Variants in PRMT3 observed in about 807,000 individuals in gnomAD.
PRMT3 encodes the protein protein arginine N-methyltransferase 3.
A neutral mutation model predicts 71.9 loss-of-function variants in PRMT3; 62 were observed. That is an observed-to-expected ratio of 0.86 (90% CI 0.70 to 1.07). The LOEUF (loss-of-function observed/expected upper bound fraction) is 1.07, where lower values mean the gene tolerates loss of function less well. Ranked by LOEUF, PRMT3 falls within the 50% of genes least tolerant of loss-of-function variation. The pLI is 0.00. For synonymous variants in PRMT3, 213 were observed against 220.4 expected (o/e 0.97, Z 0.30); for missense variants, 663 against 643.0 (o/e 1.03, Z -0.34).
intron 13 of PRMT3, among the ~76,000 whole-genome samples, chr11:20,474,048 G>C (rs1850718065): frequency 6.6e-6 from 1 of 152,148 alleles, no homozygotes; most frequent in Non-Finnish European, 1.5e-5. Context: ...ATGGCAGCCT[G>C]CTCCTTCCTC....
rs774128339 is a variant in PRMT3 at position 20,388,158 on chromosome 11, C to G, written c.164+4C>G. ...CCCCCTGCCTGTTCTGTAACAGGTT[C>G]GTCCGCCTCAGCGCCTGGCCTCTGC... On this transcript the variant is annotated splice_donor_region_variant and intron_variant, in intron 2 of 15. Transcript: ENST00000331079. The G allele has an allele frequency of 2.0e-5, 33 of 1,613,720 alleles. No homozygotes were observed. Among genetic ancestry groups the G allele is most frequent in the Non-Finnish European group, 2.7e-5 (32 of 1,179,992 alleles).
chr11:20,468,838 G>GA (rs1318502235), intron 13 of PRMT3, among the ~76,000 whole-genome samples: 1 of 152,030 alleles, frequency 6.6e-6, no homozygotes, highest in Non-Finnish European at 1.5e-5. Flanking sequence ...AAGATTATTA[G>GA]AACCTTTCAT....
intron 15 of PRMT3, among the ~76,000 whole-genome samples, chr11:20,503,112 A>G (rs1323606871): frequency 6.6e-6 from 1 of 152,132 alleles, no homozygotes; most frequent in Non-Finnish European, 1.5e-5. Flanking sequence ...CACTGCTTTA[A>G]TTTGCTTTTC....
intron 10 of PRMT3, 98 bp from the exon 11 acceptor site, chr11:20,452,031 AT>A (rs367969652): frequency 3.4e-4 from 272 of 811,528 alleles, no homozygotes; most frequent in South Asian, 1.5e-3. Flanking sequence ...AGAAAAAAAA[AT>A]ATTCTGTAAT....
intron 9 of PRMT3, among the ~76,000 whole-genome samples, chr11:20,424,433 T>C (rs1451157915): frequency 2.0e-5 from 3 of 152,202 alleles, no homozygotes; most frequent in Admixed American, 6.5e-5. Context: ...TTCCGTAAGT[T>C]AGTGATAGTT....
intron 4 of PRMT3, 32 bp from the exon 5 acceptor site, chr11:20,392,865 T>G: frequency 7.4e-7 from 1 of 1,358,102 alleles, no homozygotes; most frequent in South Asian, 1.3e-5. Flanking sequence ...TTATATGTAA[T>G]GAAAAAAACA....
At chr11:20,417,797 C>G (rs1565203565) in intron 9 of PRMT3, among the ~76,000 whole-genome samples, 1 of 146,196 alleles carries the variant, frequency 6.8e-6, no homozygotes, top group South Asian at 2.2e-4. Context: ...CACACACACA[C>G]AGGAGGCAGT....
intron 7 of PRMT3, among the ~76,000 whole-genome samples, chr11:20,399,531 T>G (rs1848903324): frequency 1.3e-5 from 2 of 152,194 alleles, no homozygotes; most frequent in Admixed American, 1.3e-4. Context: ...ATTAATTTTT[T>G]TATGTTTAGA....
chr11:20,506,491 T>C (rs1419212193), intron 15 of PRMT3, among the ~76,000 whole-genome samples: 1 of 152,206 alleles, frequency 6.6e-6, no homozygotes, highest in African/African-American at 2.4e-5. Flanking sequence ...AAACTGTGAG[T>C]CTCACCTTTT....
intron 9 of PRMT3, among the ~76,000 whole-genome samples, chr11:20,421,267 G>A (rs977247845): frequency 1.3e-5 from 2 of 152,040 alleles, no homozygotes; most frequent in African/African-American, 4.8e-5. Flanking sequence ...TGAACTCTTG[G>A]GCTCAAGCAA....
At chr11:20,483,735 G>A (rs763399953) in intron 13 of PRMT3, among the ~76,000 whole-genome samples, 5 of 152,148 alleles carry the variant, frequency 3.3e-5, no homozygotes, top group Non-Finnish European at 5.9e-5. Flanking sequence ...GTAATGTAGT[G>A]CTCTATAATA....
In PRMT3 at chr11:20,387,882, C is replaced by A; in HGVS notation, c.28+108C>A. ...ACGGGCCCGGGCAGGGTGGGGGGCT[C>A]GCAGGGATCATGAAGGAGGTGCTGA... On this transcript the variant is annotated intron_variant, in intron 1 of 15. Transcript: ENST00000331079. This position sits in a 1 kb window ranked among gnomAD's most constrained non-coding sequence, Gnocchi z 4.3. 1 of 1,536,290 alleles carries A rather than the reference C, an allele frequency of 6.5e-7. No individual in the cohort carries two copies. Among genetic ancestry groups the A allele is most frequent in the Non-Finnish European group, 8.8e-7 (1 of 1,139,602 alleles).
chr11:20,402,094 T>C (rs1182230352), intron 7 of PRMT3, among the ~76,000 whole-genome samples: 1 of 152,040 alleles, frequency 6.6e-6, no homozygotes, highest in African/African-American at 2.4e-5. Context: ...TTATTTACTT[T>C]TATCTCCTTT....
chr11:20,411,629 C>T (rs1342886545), intron 9 of PRMT3, among the ~76,000 whole-genome samples: 1 of 152,014 alleles, frequency 6.6e-6, no homozygotes, highest in African/African-American at 2.4e-5. Flanking sequence ...AGAGAAATAG[C>T]ATTTGTGACA....
At chr11:20,464,037 T>TA (rs1850448551) in intron 12 of PRMT3, among the ~76,000 whole-genome samples, 1 of 152,200 alleles carries the variant, frequency 6.6e-6, no homozygotes, top group African/African-American at 2.4e-5. Flanking sequence ...GCAGTTCCTA[T>TA]AAATGTATTG....
chr11:20,477,590 G>A (rs1355701377), intron 13 of PRMT3, among the ~76,000 whole-genome samples: 1 of 151,980 alleles, frequency 6.6e-6, no homozygotes, highest in East Asian at 1.9e-4. Flanking sequence ...ACAGCATAGT[G>A]AGTCATCTGT....
intron 9 of PRMT3, among the ~76,000 whole-genome samples, chr11:20,409,474 G>A (rs750979174): frequency 6.6e-6 from 1 of 152,102 alleles, no homozygotes; most frequent in African/African-American, 2.4e-5. Flanking sequence ...TAAGTTCTAA[G>A]TAAGATATAC....
At chr11:20,455,169 T>C (rs1442766443) in intron 11 of PRMT3, among the ~76,000 whole-genome samples, 1 of 152,128 alleles carries the variant, frequency 6.6e-6, no homozygotes, top group Non-Finnish European at 1.5e-5. Flanking sequence ...CAACTACGAT[T>C]AAGACTAAAA....
chr11:20,457,769 G>A (rs1850300387), intron 11 of PRMT3, among the ~76,000 whole-genome samples: 1 of 152,162 alleles, frequency 6.6e-6, no homozygotes, highest in Admixed American at 6.5e-5. Flanking sequence ...CACTGGCATT[G>A]GTTCATAGTG....
Sources: allele counts gnomAD v4.1 joint callset (sites outside exome capture counted in the v4.1 genomes callset), GRCh38; gene constraint gnomAD v4.1.1; non-coding constraint Gnocchi (gnomAD v3.1); transcripts MANE v1.5; gene names NCBI Gene and HGNC (gene_info 2026-07-23, HGNC 2026-07-21).